ARHGAP15: variants seen among roughly 807,000 people sequenced by gnomAD.
ARHGAP15 encodes Rho GTPase activating protein 15.
In ARHGAP15, 51 loss-of-function variants were observed where a neutral mutation model predicts 63.7. The ratio of observed to expected loss-of-function variants is 0.80; its 90% CI spans 0.64 to 1.01. ARHGAP15 has a LOEUF of 1.01. Among genes scored for constraint, ARHGAP15 ranks in the 50% least tolerant of loss-of-function variants. The pLI, the probability that ARHGAP15 is intolerant of heterozygous loss-of-function variation, is 0.00. For synonymous variants in ARHGAP15, 191 were observed against 193.8 expected (o/e 0.99, Z 0.12); for missense variants, 560 against 564.6 (o/e 0.99, Z 0.08).
chr2:143,423,696 A>T (rs1689026401), intron 6 of ARHGAP15, among the ~76,000 whole-genome samples: 1 of 152,174 alleles, frequency 6.6e-6, no homozygotes, highest in Non-Finnish European at 1.5e-5. Context: ...CCAGGAGACA[A>T]TCAATGAATC....
At chr2:143,171,213 G>A (rs573616115) in intron 2 of ARHGAP15, among the ~76,000 whole-genome samples, 1 of 152,262 alleles carries the variant, frequency 6.6e-6, no homozygotes, top group East Asian at 1.9e-4. Flanking sequence ...TGTATTCATT[G>A]AGGCTGAAAT....
At chr2:143,542,392 A>G (rs1313296822) in intron 10 of ARHGAP15, among the ~76,000 whole-genome samples, 1 of 151,740 alleles carries the variant, frequency 6.6e-6, no homozygotes. Context: ...TCCTGCAACC[A>G]CTGTCCGGCA....
intron 6 of ARHGAP15, among the ~76,000 whole-genome samples, chr2:143,381,877 T>C (rs1687067061): frequency 1.3e-5 from 2 of 151,986 alleles, no homozygotes; most frequent in African/African-American, 4.8e-5. Flanking sequence ...GGGGAGGAGG[T>C]ACAAATAAGA....
intron 1 of ARHGAP15, among the ~76,000 whole-genome samples, chr2:143,153,843 T>TCTTCCTCTTCCTCC (rs1558779622): frequency 1.0e-4 from 9 of 86,868 alleles, no homozygotes; most frequent in East Asian, 4.2e-4. Flanking sequence ...CTTCTTCTTC[T>TCTTCCTCTTCCTCC]TCCTCCTCCT....
At chr2:143,507,939 G>A (rs1192642839) in intron 9 of ARHGAP15, among the ~76,000 whole-genome samples, 10 of 149,736 alleles carry the variant, frequency 6.7e-5, no homozygotes, top group Admixed American at 2.0e-4. Context: ...CCCCCCTGAT[G>A]AGCCTTCCTA....
At chr2:143,171,845 T>G (rs1280003705) in intron 2 of ARHGAP15, 1 of 152,054 alleles carries the variant, frequency 6.6e-6, no homozygotes, top group Non-Finnish European at 1.5e-5. Context: ...TGTAGTGGGT[T>G]TTTTTCTCTT....
chr2:143,160,419 C>T (rs987242970), intron 2 of ARHGAP15, among the ~76,000 whole-genome samples: 1 of 151,918 alleles, frequency 6.6e-6, no homozygotes, highest in African/African-American at 2.4e-5. Flanking sequence ...TGGAGTGAGA[C>T]TCTCCAAAGA....
rs528290488 is a variant in ARHGAP15 at position 143,536,548 on chromosome 2, G to A, written c.925+17184G>A. On this transcript the variant is annotated intron_variant, in intron 10 of 13. Coordinates refer to ENST00000295095, the MANE Select transcript of ARHGAP15 (RefSeq NM_018460.4). Reference sequence around the variant, plus strand: ...CTCCCCCCACCCCACAACCGTCCCCGGTGTGTGATGTTCCCCTTCCTGTGT... The same window carrying A: ...CTCCCCCCACCCCACAACCGTCCCCAGTGTGTGATGTTCCCCTTCCTGTGT... Among the ~76,000 whole-genome samples, 34 of 123,794 alleles carry A rather than the reference G, an allele frequency of 2.7e-4. 1 individual carries two copies. The highest frequency in any genetic ancestry group is 2.0e-3 in the South Asian group (8 of 4,042). The allele number at this position is 123,794 out of a possible 152,430, so 81.2% of individuals were successfully genotyped here. A position where few individuals can be genotyped will look rare whatever the true frequency, so the allele number is the denominator to read the frequency against.
At chr2:143,239,920 G>T (rs768205594) in intron 5 of ARHGAP15, among the ~76,000 whole-genome samples, 10 of 150,068 alleles carry the variant, frequency 6.7e-5, no homozygotes, top group Non-Finnish European at 1.5e-4. Flanking sequence ...GAACCCAGGA[G>T]GTGGTGGTTG....
chr2:143,316,866 A>G lies in ARHGAP15; in HGVS notation c.474+66266A>G, dbSNP rs80014139. The stretch of plus-strand genomic sequence containing the variant: ...CTTCTATATTCACTCCTCTTATAGT[A>G]TATTTTCCAAAAGTAGTCAAGCTCA... On this transcript the variant is annotated intron_variant, in intron 6 of 13. Coordinates refer to ENST00000295095, the MANE Select transcript of ARHGAP15 (RefSeq NM_018460.4). Among the ~76,000 whole-genome samples the G allele has an allele frequency of 9.3e-3, 1,418 of 152,220 alleles. 26 individuals carry two copies. Among genetic ancestry groups the G allele is most frequent in the African/African-American group, 0.033 (1,354 of 41,530 alleles).
intron 10 of ARHGAP15, among the ~76,000 whole-genome samples, chr2:143,538,852 G>T (rs1356752209): frequency 6.6e-6 from 1 of 152,042 alleles, no homozygotes; most frequent in Non-Finnish European, 1.5e-5. Context: ...TTTTTTTGTT[G>T]TGTCTCTGCC....
chr2:143,502,167 G>T (rs935479404), intron 9 of ARHGAP15, among the ~76,000 whole-genome samples: 4 of 152,098 alleles, frequency 2.6e-5, no homozygotes, highest in Admixed American at 6.6e-5. Flanking sequence ...CCAGCATTTT[G>T]GGAGGCTGAG....
At chr2:143,665,008 T>C (rs1682077518) in intron 12 of ARHGAP15, among the ~76,000 whole-genome samples, 1 of 151,940 alleles carries the variant, frequency 6.6e-6, no homozygotes, top group Non-Finnish European at 1.5e-5. Context: ...ACTGGTACCA[T>C]TCCTTCTGAA....
intron 12 of ARHGAP15, among the ~76,000 whole-genome samples, chr2:143,680,021 TAAAAAAAAAAAAA>T (rs55927433): frequency 7.9e-5 from 8 of 101,626 alleles, no homozygotes; most frequent in Non-Finnish European, 1.3e-4. Context: ...AGTAAATGAT[TAAAAAAAAAAAAA>T]AAAAAAAAAA....
At chr2:143,571,841 T>C (rs1056017330) in intron 11 of ARHGAP15, 1 of 152,162 alleles carries the variant, frequency 6.6e-6, no homozygotes, top group Non-Finnish European at 1.5e-5. Context: ...CCATCAGTCC[T>C]GGGGGCTGGA....
chr2:143,623,146 C>T (rs887437844), intron 11 of ARHGAP15, among the ~76,000 whole-genome samples: 1 of 152,216 alleles, frequency 6.6e-6, no homozygotes, highest in Non-Finnish European at 1.5e-5. Flanking sequence ...AAAGACAAAT[C>T]GTCTGGCTCG....
intron 13 of ARHGAP15, chr2:143,706,315 C>G (rs1684323715): frequency 1.3e-5 from 2 of 152,104 alleles, no homozygotes; most frequent in South Asian, 4.1e-4. Context: ...GAATGTTTTC[C>G]TTAGTCTTAA....
chr2:143,407,987 G>GTATGTATATATATATA (rs1553475720), intron 6 of ARHGAP15, among the ~76,000 whole-genome samples: 1 of 77,460 alleles, frequency 1.3e-5, no homozygotes, highest in Non-Finnish European at 2.9e-5. Flanking sequence ...TTCTGTGTGT[G>GTATGTATATATATATA]TATATATATA....
chr2:143,735,614 C>T (rs1448069413), intron 13 of ARHGAP15, among the ~76,000 whole-genome samples: 1 of 152,118 alleles, frequency 6.6e-6, no homozygotes, highest in African/African-American at 2.4e-5. Flanking sequence ...CGTTCCTGAT[C>T]CATTCTCTAT....
Sources: gnomAD v4.1 joint callset for allele counts (sites outside exome capture counted in the v4.1 genomes callset) on GRCh38, gnomAD v4.1.1 for gene constraint, MANE v1.5 for transcripts, NCBI Gene and HGNC (gene_info 2026-07-23, HGNC 2026-07-21) for gene names.